The following MTCH2 variants were observed in gnomAD, a reference collection of about 807,000 sequenced individuals.
The protein encoded by MTCH2 is mitochondrial carrier homolog 2.
A neutral mutation model predicts 50.6 loss-of-function variants in MTCH2; 25 were observed. The observed-to-expected ratio is 0.49, with a 90% confidence interval of 0.36 to 0.69. The LOEUF (loss-of-function observed/expected upper bound fraction) is 0.69. MTCH2 is among the 30% of genes least tolerant of loss of function. The pLI is 0.00. For synonymous variants in MTCH2, 106 were observed against 132.0 expected, an observed-to-expected ratio of 0.80 and a Z score of 1.35; for missense variants, 273 against 384.4, an observed-to-expected ratio of 0.71 and a Z score of 2.42.
rs531167007 is a variant in MTCH2, at chr11:47,639,143, AT to A, written c.88-93del. On this transcript the variant is annotated intron_variant, in intron 1 of 12. Coordinates refer to ENST00000302503, the MANE Select transcript of MTCH2 (RefSeq NM_014342.4). ...TTGAATAAAGAACACAATTTGGGTTATTTTTAAACACAAGTAAAAATGCAGC... is the reference window on the plus strand; with the variant it reads ...TTGAATAAAGAACACAATTTGGGTTATTTTAAACACAAGTAAAAATGCAGC... 6.5e-4 allele frequency: 723 copies of A among 1,114,194 alleles called. 6 individuals carry two copies. In the South Asian group the frequency reaches 7.2e-3, roughly 11 times the overall value. 69.0% of individuals were successfully genotyped at this position (1,114,194 alleles called of 1,614,324 possible).
At chr11:47,610,481 G>C in the MTCH2 span, among the ~76,000 whole-genome samples, 1 of 152,106 alleles carries the variant, frequency 6.6e-6, no homozygotes, top group Non-Finnish European at 1.5e-5. Flanking sequence ...GAGGAGGGTG[G>C]ATCACCTGAG....
chr11:47,627,054 G>A (rs2097298859), intron 10 of MTCH2, 26 bp downstream of exon 10: 2 of 1,538,756 alleles, frequency 1.3e-6, no homozygotes, highest in African/African-American at 1.4e-5. Flanking sequence ...ATTCCTAGAA[G>A]GTTAAAAGGA....
the MTCH2 span, among the ~76,000 whole-genome samples, chr11:47,609,644 A>C: frequency 2.7e-5 from 4 of 149,450 alleles, no homozygotes; most frequent in East Asian, 7.8e-4. Context: ...AAAAAAAAAA[A>C]AAAAAAAGAA....
intron 3 of MTCH2, among the ~76,000 whole-genome samples, chr11:47,637,026 C>T (rs952477134): frequency 3.4e-5 from 5 of 148,682 alleles, no homozygotes; most frequent in East Asian, 2.0e-4. Flanking sequence ...GGTGCAATCT[C>T]GGCTCACTGC....
At chr11:47,627,563 T>C (rs1358236983) in intron 9 of MTCH2, among the ~76,000 whole-genome samples, 3 of 152,176 alleles carry the variant, frequency 2.0e-5, no homozygotes, top group Admixed American at 6.5e-5. Flanking sequence ...CTGGAGCTAC[T>C]GTGCCTTGCT....
downstream of MTCH2, among the ~76,000 whole-genome samples, chr11:47,615,558 TAAGTC>T (rs1172003098): frequency 1.3e-5 from 2 of 152,022 alleles, no homozygotes; most frequent in South Asian, 2.1e-4. Context: ...AAATTATAGT[TAAGTC>T]AAGGTATGCT....
At chr11:47,632,988 C>T (rs1334160751) in intron 5 of MTCH2, among the ~76,000 whole-genome samples, 2 of 152,106 alleles carry the variant, frequency 1.3e-5, no homozygotes, top group East Asian at 3.9e-4. Context: ...GTGTGAGCCA[C>T]CACACCCGGC....
chr11:47,642,255 G>T, intron 1 of MTCH2, 124 bp downstream of exon 1: 1 of 821,182 alleles, frequency 1.2e-6, no homozygotes, highest in Non-Finnish European at 1.9e-6. Flanking sequence ...GTAAAGGGCA[G>T]CGGAGGAGCA....
At chr11:47,634,633 G>A in intron 5 of MTCH2, 39 bp downstream of exon 5, 1 of 1,506,922 alleles carries the variant, frequency 6.6e-7, no homozygotes, top group Non-Finnish European at 9.2e-7. Context: ...ACCACAGTTT[G>A]ATCTGGGCAA....
intron 9 of MTCH2, among the ~76,000 whole-genome samples, 199 bp from the exon 10 acceptor site, chr11:47,627,326 C>CTT (rs562507250): frequency 2.1e-5 from 3 of 146,044 alleles, no homozygotes; most frequent in Non-Finnish European, 3.0e-5. Flanking sequence ...GAAATGGTGT[C>CTT]TTTTTTTTTT....
chr11:47,622,837 G>T, intron 11 of MTCH2, 61 bp from the exon 12 acceptor site: 2 of 1,153,204 alleles, frequency 1.7e-6, no homozygotes, highest in South Asian at 1.4e-5. Flanking sequence ...TTGAGACGTT[G>T]ATAAACCTTG....
chr11:47,631,822 G>A, intron 5 of MTCH2, 111 bp from the exon 6 acceptor site: 1 of 1,041,856 alleles, frequency 9.6e-7, no homozygotes, highest in Admixed American at 1.9e-5. Context: ...GAATGACACA[G>A]CCCTCCTGCC....
chr11:47,626,475 G>A (rs1020806103), intron 10 of MTCH2, among the ~76,000 whole-genome samples: 1 of 151,636 alleles, frequency 6.6e-6, no homozygotes, highest in African/African-American at 2.4e-5. Context: ...TGTCTGGCCT[G>A]AACAATATTA....
At position 47,622,782 on chromosome 11, in the gene MTCH2, A is replaced by G. The variant is rs1351308146; in HGVS notation, c.750-6T>C. On this transcript the variant is annotated splice_region_variant and splice_polypyrimidine_tract_variant and intron_variant, in intron 11 of 12. Coordinates refer to ENST00000302503, the MANE Select transcript of MTCH2 (RefSeq NM_014342.4). ...GAGGGCATCCACCAGCAAGACTAAA[A>G]TAGAAAAAAACATGGAGCTATTCAT... The G allele has an allele frequency of 1.7e-4, 201 of 1,216,978 alleles. No individual in the cohort carries two copies. The Admixed American group carries it at 3.4e-3, about 21-fold the overall frequency. The allele number at this position is 1,216,978 out of a possible 1,614,324, so 75.4% of individuals were successfully genotyped here.
At chr11:47,622,597 G>C in intron 12 of MTCH2, 104 bp downstream of exon 12, 1 of 891,980 alleles carries the variant, frequency 1.1e-6, no homozygotes, top group Non-Finnish European at 1.7e-6. Context: ...TCTAGCTAAA[G>C]TGAGCTACAA....
At chr11:47,606,825 A>T in the MTCH2 span, among the ~76,000 whole-genome samples, 1 of 152,286 alleles carries the variant, frequency 6.6e-6, no homozygotes, top group African/African-American at 2.4e-5. Context: ...TTTTTCTTCC[A>T]GCTGAGAGGA....
rs1327283020 is a variant in MTCH2, at chr11:47,638,571, G to C, written c.279+128C>G. 2.7e-5 allele frequency: 9 copies of C among 332,230 alleles called. No homozygotes were observed. In the East Asian group the frequency reaches 5.4e-4, roughly 20 times the overall value. The allele number at this position is 332,230 out of a possible 1,614,324, so 20.6% of individuals were successfully genotyped here. ...AAAAAAAAAAAAAAAAAAAAAGAAAGTGTTTTTCAAGAGGAAGAAAGGACA... is the reference window on the plus strand; with the variant it reads ...AAAAAAAAAAAAAAAAAAAAAGAAACTGTTTTTCAAGAGGAAGAAAGGACA... On this transcript the variant is annotated intron_variant, in intron 3 of 12. Coordinates refer to ENST00000302503, the MANE Select transcript of MTCH2 (RefSeq NM_014342.4).
In MTCH2 at chr11:47,642,513, C is replaced by T; in HGVS notation, c.-48G>A. On this transcript the variant is annotated 5_prime_UTR_variant, in exon 1 of 13. Coordinates refer to ENST00000302503, the MANE Select transcript of MTCH2 (RefSeq NM_014342.4). Reference sequence around the variant, plus strand: ...ACAGACAGACGGAGCCACCAAGCGACCCGGTGAGCCGGTCCTAGGTCACGT... The same window carrying T: ...ACAGACAGACGGAGCCACCAAGCGATCCGGTGAGCCGGTCCTAGGTCACGT... 2.0e-6 allele frequency: 3 copies of T among 1,522,122 alleles called. No homozygotes were observed. Among genetic ancestry groups the T allele is most frequent in the Non-Finnish European group, 2.7e-6 (3 of 1,130,034 alleles). 94.3% of individuals were successfully genotyped at this position (1,522,122 alleles called of 1,614,324 possible). A position where few individuals can be genotyped will look rare whatever the true frequency, so the allele number is the denominator to read the frequency against.
Position 47,634,754 on chromosome 11 carries a change from A to G in MTCH2, c.307-20T>C, listed in dbSNP as rs1328555648. ...TAACTCCTGGAAATCAAAATCAAAG[A>G]AAATAGAGATCTTGATTTTTTTTTT... On this transcript the variant is annotated intron_variant, in intron 4 of 12. Coordinates refer to ENST00000302503, the MANE Select transcript of MTCH2 (RefSeq NM_014342.4). 3.9e-6 allele frequency: 6 copies of G among 1,535,852 alleles called. No homozygotes were observed. Among genetic ancestry groups the G allele is most frequent in the African/African-American group, 2.8e-5 (2 of 72,072 alleles).
Sources: gnomAD v4.1 joint callset for allele counts (sites outside exome capture counted in the v4.1 genomes callset) on GRCh38, gnomAD v4.1.1 for gene constraint, MANE v1.5 for transcripts, NCBI Gene and HGNC (gene_info 2026-07-23, HGNC 2026-07-21) for gene names.